The following ARID4B variants were observed in gnomAD, a reference collection of about 807,000 sequenced individuals.
ARID4B encodes AT-rich interaction domain 4B, also known as AT-rich interactive domain-containing protein 4B.
Under a neutral mutation model 147.5 loss-of-function variants are expected in ARID4B, and 26 were observed. That is an observed-to-expected ratio of 0.18 (90% CI 0.13 to 0.24). The LOEUF (loss-of-function observed/expected upper bound fraction) is 0.24. Ranked by LOEUF, ARID4B falls within the 10% of genes least tolerant of loss-of-function variation. The pLI, the probability that ARID4B is intolerant of heterozygous loss-of-function variation, is 1.00. For missense variants in ARID4B, 1,179 were observed against 1,511.5 expected, an observed-to-expected ratio of 0.78 and a Z score of 3.65; for synonymous variants, 512 against 507.9, an observed-to-expected ratio of 1.01 and a Z score of -0.11.
chr1:235,171,938 G>A (rs1346023123), intron 23 of ARID4B, among the ~76,000 whole-genome samples: 3 of 151,994 alleles, frequency 2.0e-5, no homozygotes, highest in African/African-American at 2.4e-5. Flanking sequence ...CACTGTGCCC[G>A]GCCTCCTCCC....
chr1:235,280,181 TA>T (rs1671577117), intron 2 of ARID4B, among the ~76,000 whole-genome samples: 1 of 152,198 alleles, frequency 6.6e-6, no homozygotes, highest in Non-Finnish European at 1.5e-5. Flanking sequence ...ACTTCAAGTC[TA>T]AAACATTTGT....
intron 6 of ARID4B, among the ~76,000 whole-genome samples, chr1:235,246,800 A>G (rs1669327897): frequency 6.6e-6 from 1 of 152,234 alleles, no homozygotes; most frequent in Admixed American, 6.5e-5. Flanking sequence ...TGATTAAAAT[A>G]CAAAACAAAC....
chr1:235,171,279 TA>T, intron 23 of ARID4B, among the ~76,000 whole-genome samples: 1 of 151,448 alleles, frequency 6.6e-6, no homozygotes, highest in Admixed American at 6.6e-5. Flanking sequence ...CTACTAAAAA[TA>T]AAAAATTAGC....
chr1:235,236,850 ATATATATATATATTTTTTTTTT>A (rs1668623194), intron 8 of ARID4B, among the ~76,000 whole-genome samples: 2 of 37,526 alleles, frequency 5.3e-5, no homozygotes, highest in African/African-American at 1.7e-4. Flanking sequence ...ATATATATAT[ATATATATATATATTTTTTTTTT>A]TTTTTTTTTT....
At chr1:235,273,192 C>T (rs1310843965) in intron 2 of ARID4B, among the ~76,000 whole-genome samples, 2 of 152,094 alleles carry the variant, frequency 1.3e-5, no homozygotes, top group Non-Finnish European at 2.9e-5. Context: ...CGTGCACCAC[C>T]CCACCCAGCT....
At chr1:235,255,220 T>TATATATATATATAGAGAGAGAGAG (rs1264196304) in intron 5 of ARID4B, among the ~76,000 whole-genome samples, 7 of 62,346 alleles carry the variant, frequency 1.1e-4, no homozygotes, top group African/African-American at 1.4e-4. Flanking sequence ...TGCTGGGAGC[T>TATATATATATATAGAGAGAGAGAG]AGATAGATAG....
At chr1:235,202,696 T>C (rs930275446) in intron 17 of ARID4B, among the ~76,000 whole-genome samples, 5 of 151,908 alleles carry the variant, frequency 3.3e-5, no homozygotes, top group Admixed American at 6.6e-5. Context: ...ATTACAGGTG[T>C]GTGCCACCAC....
intron 13 of ARID4B, 131 bp from the exon 14 acceptor site, chr1:235,221,793 T>C (rs569182145): frequency 1.6e-4 from 66 of 404,082 alleles, no homozygotes; most frequent in African/African-American, 1.2e-3. Context: ...TTTAAAAACT[T>C]GATAAATTCT....
chr1:235,188,660 A>C (rs1571927401), intron 19 of ARID4B, among the ~76,000 whole-genome samples: 1 of 152,310 alleles, frequency 6.6e-6, no homozygotes, highest in East Asian at 1.9e-4. Flanking sequence ...CTGTTCTTCA[A>C]CTAGATCCTA....
At chr1:235,177,706 G>T (rs1057513109) in intron 21 of ARID4B, 94 bp downstream of exon 21, 2 of 756,272 alleles carry the variant, frequency 2.6e-6, no homozygotes, top group Non-Finnish European at 4.2e-6. Context: ...TCAAAATAGT[G>T]TACTATCCCA....
intron 10 of ARID4B, among the ~76,000 whole-genome samples, chr1:235,230,608 A>AAAAAAAAAAAAAAAAAAAAC (rs1668148552): frequency 7.6e-6 from 1 of 131,884 alleles, no homozygotes; most frequent in African/African-American, 2.9e-5. Flanking sequence ...AAAAAAAAAA[A>AAAAAAAAAAAAAAAAAAAAC]AAAAAAAACC....
intron 23 of ARID4B, among the ~76,000 whole-genome samples, chr1:235,170,808 G>A (rs1663287100): frequency 6.6e-6 from 1 of 151,384 alleles, no homozygotes; most frequent in Admixed American, 6.6e-5. Context: ...AGCTACCCGG[G>A]AGGCTGAGGC....
intron 19 of ARID4B, among the ~76,000 whole-genome samples, chr1:235,186,857 G>A (rs1010131337): frequency 3.3e-5 from 5 of 151,390 alleles, no homozygotes; most frequent in Admixed American, 6.6e-5. Flanking sequence ...CACCACATTC[G>A]GCTAATTTTA....
At chr1:235,173,826 C>T (rs867302828) in intron 22 of ARID4B, among the ~76,000 whole-genome samples, 1 of 81,198 alleles carries the variant, frequency 1.2e-5, no homozygotes, top group Non-Finnish European at 2.3e-5. Flanking sequence ...ATACCTAAAA[C>T]ATATATATAT....
chr1:235,290,013 G>A (rs1320616866), intron 2 of ARID4B, among the ~76,000 whole-genome samples: 2 of 149,372 alleles, frequency 1.3e-5, no homozygotes, highest in East Asian at 2.0e-4. Flanking sequence ...CAGCCTGGAC[G>A]ATATAGTGAG....
At chr1:235,234,708 G>C (rs1326939581) in intron 8 of ARID4B, among the ~76,000 whole-genome samples, 1 of 150,850 alleles carries the variant, frequency 6.6e-6, no homozygotes, top group Non-Finnish European at 1.5e-5. Flanking sequence ...TAGAATTTTT[G>C]GCATAGGCAA....
chr1:235,230,566 T>C (rs1668136558), intron 10 of ARID4B, among the ~76,000 whole-genome samples: 1 of 147,196 alleles, frequency 6.8e-6, no homozygotes, highest in African/African-American at 2.6e-5. Flanking sequence ...TCTCCCATTA[T>C]TCTAGATTAT....
At chr1:235,316,825 C>T (rs971954475) in intron 2 of ARID4B, among the ~76,000 whole-genome samples, 7 of 151,726 alleles carry the variant, frequency 4.6e-5, no homozygotes, top group African/African-American at 1.7e-4. Context: ...TCTCAAACAA[C>T]CAAACAAAAA....
intron 17 of ARID4B, among the ~76,000 whole-genome samples, chr1:235,197,893 C>A (rs1665610203): frequency 6.6e-6 from 1 of 152,126 alleles, no homozygotes; most frequent in African/African-American, 2.4e-5. Flanking sequence ...AGTACTTTTA[C>A]CTTTCCTATT....
Sources: allele counts gnomAD v4.1 joint callset (sites outside exome capture counted in the v4.1 genomes callset), GRCh38; gene constraint gnomAD v4.1.1; transcripts MANE v1.5; gene names NCBI Gene and HGNC (gene_info 2026-07-23, HGNC 2026-07-21).